ROBO2: variants seen among roughly 807,000 people sequenced by gnomAD.
The protein encoded by ROBO2 is roundabout homolog 2.
In ROBO2, 53 loss-of-function variants were observed where a neutral mutation model predicts 160.8. The ratio of observed to expected loss-of-function variants is 0.33; its 90% CI spans 0.26 to 0.41. The LOEUF (loss-of-function observed/expected upper bound fraction) is 0.41, where lower values mean the gene tolerates loss of function less well. Ranked by LOEUF, ROBO2 falls within the 10% of genes least tolerant of loss-of-function variation. The pLI, the probability that ROBO2 is intolerant of heterozygous loss-of-function variation, is 1.00. For synonymous variants in ROBO2, 664 were observed against 611.7 expected (o/e 1.09, Z -1.26); for missense variants, 1,577 against 1,722.4 (o/e 0.92, Z 1.49).
intron 2 of ROBO2, among the ~76,000 whole-genome samples, chr3:76,314,417 A>C (rs2071826567): frequency 1.3e-5 from 2 of 152,048 alleles, no homozygotes; most frequent in Admixed American, 6.6e-5. Flanking sequence ...TATACAACAA[A>C]AAGGAAGTTA....
chr3:76,640,103 G>A (rs996727726), intron 2 of ROBO2, among the ~76,000 whole-genome samples: 1 of 152,268 alleles, frequency 6.6e-6, no homozygotes. Flanking sequence ...TATACGATAC[G>A]ATGAGAGCCA....
chr3:77,460,015 G>T (rs921927181), intron 2 of ROBO2, among the ~76,000 whole-genome samples: 5 of 152,022 alleles, frequency 3.3e-5, no homozygotes, highest in African/African-American at 1.2e-4. Context: ...TTTTGAAGAG[G>T]TTCCTCTGTC....
chr3:76,723,862 T>C (rs2093504716), intron 2 of ROBO2, among the ~76,000 whole-genome samples: 1 of 152,172 alleles, frequency 6.6e-6, no homozygotes, highest in African/African-American at 2.4e-5. Context: ...AGGGGGCAAA[T>C]TCATGAATAC....
At chr3:77,213,548 T>C (rs143536203) in intron 2 of ROBO2, among the ~76,000 whole-genome samples, 4,239 of 152,314 alleles carry the variant, frequency 0.028, 68 homozygotes, top group Middle Eastern at 0.054. Context: ...TTCATTGATT[T>C]TTTGAAGGGT....
chr3:76,552,691 G>T (rs1295759395), intron 2 of ROBO2, among the ~76,000 whole-genome samples: 1 of 152,180 alleles, frequency 6.6e-6, no homozygotes, highest in East Asian at 1.9e-4. Context: ...GTGAACCCAT[G>T]TAGAATATAT....
exon 1 of ROBO2, chr3:77,040,132 T>C: frequency 1.0e-6 from 1 of 981,442 alleles, no homozygotes; most frequent in African/African-American, 1.8e-5. Context: ...CGAATCGTCC[T>C]GATTTCCCTT....
At chr3:76,160,999 A>G (rs1388086182) in intron 2 of ROBO2, among the ~76,000 whole-genome samples, 1 of 152,168 alleles carries the variant, frequency 6.6e-6, no homozygotes, top group Non-Finnish European at 1.5e-5. Context: ...CTCATAACTA[A>G]TACCAACAGA....
rs367823351 is a variant in ROBO2 at position 76,886,253 on chromosome 3, CA to C, written c.110-211754del. Among the ~76,000 whole-genome samples the C allele has an allele frequency of 5.6e-3, 792 of 141,006 alleles. 8 individuals are homozygous for C. The highest frequency in any genetic ancestry group is 0.022 in the Middle Eastern group (6 of 270). 92.5% of individuals were successfully genotyped at this position (141,006 alleles called of 152,430 possible). A position where few individuals can be genotyped will look rare whatever the true frequency, so the allele number is the denominator to read the frequency against. On this transcript the variant is annotated intron_variant, in intron 2 of 26. Transcript: ENST00000487694. ...TTATAGCTAGGAGAATAACCAATTC[CA>C]AAAAAATATATATATATATATAGAC... is the stretch of plus-strand genomic sequence containing the variant.
At chr3:76,123,704 C>T (rs1299776881) in intron 2 of ROBO2, among the ~76,000 whole-genome samples, 8 of 152,096 alleles carry the variant, frequency 5.3e-5, no homozygotes, top group Non-Finnish European at 1.0e-4. Context: ...TCTTGTGCCC[C>T]TCACCTTGAA....
intron 2 of ROBO2, among the ~76,000 whole-genome samples, chr3:77,232,269 G>A (rs2151292930): frequency 6.6e-6 from 1 of 152,190 alleles, no homozygotes; most frequent in Admixed American, 6.5e-5. Context: ...TAATGGAGTA[G>A]GTGGCCAGGG....
At chr3:76,289,707 A>T (rs1020558748) in intron 2 of ROBO2, among the ~76,000 whole-genome samples, 2 of 152,230 alleles carry the variant, frequency 1.3e-5, no homozygotes, top group African/African-American at 2.4e-5. Context: ...TCTTCTGCAT[A>T]TGGCTAGCCA....
intron 4 of ROBO2, among the ~76,000 whole-genome samples, chr3:77,484,545 ATATTT>A (rs2085112208): frequency 6.7e-6 from 1 of 149,940 alleles, no homozygotes; most frequent in African/African-American, 2.4e-5. Flanking sequence ...ACACACACAT[ATATTT>A]CTCATCATTT....
chr3:77,369,732 A>T (rs1228832229), intron 2 of ROBO2, among the ~76,000 whole-genome samples: 1 of 152,162 alleles, frequency 6.6e-6, no homozygotes, highest in East Asian at 1.9e-4. Flanking sequence ...TTAGGGTTTT[A>T]TGGATAGACT....
intron 2 of ROBO2, among the ~76,000 whole-genome samples, chr3:77,353,940 A>G (rs1282149824): frequency 6.6e-6 from 1 of 152,242 alleles, no homozygotes; most frequent in African/African-American, 2.4e-5. Flanking sequence ...TAAATGAATT[A>G]CATTAATTAC....
At chr3:76,365,077 A>C (rs1254840410) in intron 2 of ROBO2, among the ~76,000 whole-genome samples, 1 of 152,052 alleles carries the variant, frequency 6.6e-6, no homozygotes, top group Non-Finnish European at 1.5e-5. Context: ...AAGAAGCCAC[A>C]CTTTATTCTA....
intron 2 of ROBO2, among the ~76,000 whole-genome samples, chr3:76,200,597 T>G (rs927507886): frequency 2.0e-5 from 3 of 152,068 alleles, no homozygotes; most frequent in Non-Finnish European, 4.4e-5. Flanking sequence ...AGCAAAAGAA[T>G]GTGGGGATGA....
intron 2 of ROBO2, among the ~76,000 whole-genome samples, chr3:75,938,843 T>C (rs1383420494): frequency 6.6e-6 from 1 of 152,220 alleles, no homozygotes; most frequent in Non-Finnish European, 1.5e-5. Context: ...TTAATTTTTC[T>C]TTCATGCCAT....
chr3:76,177,429 G>C (rs532994948), intron 2 of ROBO2, among the ~76,000 whole-genome samples: 2 of 152,260 alleles, frequency 1.3e-5, no homozygotes, highest in South Asian at 2.1e-4. Flanking sequence ...CAGAAGATTA[G>C]TGTTGAAACA....
At chr3:76,068,837 G>A (rs1323052285) in intron 2 of ROBO2, among the ~76,000 whole-genome samples, 3 of 145,872 alleles carry the variant, frequency 2.1e-5, no homozygotes, top group African/African-American at 7.8e-5. Flanking sequence ...TCAACTTTTA[G>A]TCCTTTTCAC....
Sources: allele counts gnomAD v4.1 joint callset (sites outside exome capture counted in the v4.1 genomes callset), GRCh38; gene constraint gnomAD v4.1.1; transcripts MANE v1.5; gene names NCBI Gene and HGNC (gene_info 2026-07-23, HGNC 2026-07-21).